The following ZNF8 variants were observed in gnomAD, a reference collection of about 807,000 sequenced individuals.
ZNF8 encodes zinc finger protein 8.
In ZNF8, 9 loss-of-function variants were observed where a neutral mutation model predicts 12.2. The observed-to-expected ratio is 0.73, with a 90% CI of 0.44 to 1.28. The LOEUF (loss-of-function observed/expected upper bound fraction) is 1.28, where lower values mean the gene tolerates loss of function less well. ZNF8 is among the 50% of genes most tolerant of loss of function. The pLI is 0.00. For missense variants in ZNF8, 664 were observed against 729.1 expected (o/e 0.91, Z 1.03); for synonymous variants, 274 against 282.3 (o/e 0.97, Z 0.30).
At chr19:58,279,289 G>T in intron 1 of ZNF8, 142 bp downstream of exon 1, 1 of 1,520,516 alleles carries the variant, frequency 6.6e-7, no homozygotes, top group Admixed American at 2.0e-5. Context: ...CGCGGGTCGG[G>T]GCGTGGTGAC....
intron 3 of ZNF8, among the ~76,000 whole-genome samples, chr19:58,288,257 A>T (rs2051396861): frequency 6.6e-6 from 1 of 152,122 alleles, no homozygotes; most frequent in South Asian, 2.1e-4. Flanking sequence ...ACCAGGTTGG[A>T]GCAGCTCAAA....
intron 1 of ZNF8, among the ~76,000 whole-genome samples, chr19:58,281,353 C>T (rs969533711): frequency 6.6e-6 from 1 of 152,088 alleles, no homozygotes; most frequent in Non-Finnish European, 1.5e-5. Context: ...GAGCACAGCC[C>T]CACCCCTTCA....
chr19:58,279,451 C>T (rs970488481), intron 1 of ZNF8: 16 of 1,452,706 alleles, frequency 1.1e-5, no homozygotes, highest in East Asian at 7.5e-5. Context: ...TGCTCCGCCC[C>T]GCCGACACCC....
intron 3 of ZNF8, among the ~76,000 whole-genome samples, chr19:58,290,667 G>A (rs1486417248): frequency 6.6e-6 from 1 of 152,062 alleles, no homozygotes; most frequent in Admixed American, 6.6e-5. Context: ...GGCTGAGCGG[G>A]GAGGATTGCT....
At chr19:58,285,944 G>A in intron 2 of ZNF8, 101 bp downstream of exon 2, 2 of 1,496,846 alleles carry the variant, frequency 1.3e-6, no homozygotes, top group Non-Finnish European at 1.8e-6. Flanking sequence ...ACTCCCTATG[G>A]GGAGTGCATG....
At position 58,294,045 on chromosome 19, in the gene ZNF8, C is replaced by CCCCCTGT; in HGVS notation, c.290-50_290-49insCTGTCCC. 2.0e-6 allele frequency: 3 copies of CCCCCTGT among 1,515,572 alleles called. No homozygotes were observed. Among genetic ancestry groups the CCCCCTGT allele is most frequent in the Non-Finnish European group, 2.7e-6 (3 of 1,119,484 alleles). 93.9% of individuals were successfully genotyped at this position (1,515,572 alleles called of 1,614,324 possible). ...AGGCCTATGGTGTTGGAGGCCTGTC[C>CCCCCTGT]CCCTTCCGTTTTTTTCTCCCAACAG... is the stretch of plus-strand genomic sequence containing the variant. On this transcript the variant is annotated intron_variant, in intron 3 of 3. Coordinates refer to ENST00000621650, the MANE Select transcript of ZNF8 (RefSeq NM_021089.3). The surrounding 1 kb of genome is among the most constrained non-coding windows in gnomAD (Gnocchi z 5.5).
At position 58,286,279 on chromosome 19, in the gene ZNF8, G is replaced by T. The variant is rs567951078; in HGVS notation, c.289+74G>T. ...CACTGGAGATGCACTTCATGGAAAG[G>T]GTGGTGGTTGGTGGTCCTGAAGACC... On this transcript the variant is annotated intron_variant, in intron 3 of 3. Transcript: ENST00000621650. The T allele has an allele frequency of 2.1e-5, 28 of 1,313,162 alleles. No homozygotes were observed. The African/African-American group carries it at 3.6e-4, about 17-fold the overall frequency. 81.3% of individuals were successfully genotyped at this position (1,313,162 alleles called of 1,614,324 possible).
At chr19:58,281,748 C>G (rs973796238) in intron 1 of ZNF8, among the ~76,000 whole-genome samples, 1 of 152,062 alleles carries the variant, frequency 6.6e-6, no homozygotes, top group African/African-American at 2.4e-5. Flanking sequence ...CACCTGCTAC[C>G]TGTACTAAAA....
chr19:58,286,249 C>A (rs376609855), intron 3 of ZNF8, 44 bp downstream of exon 3: 3 of 1,565,470 alleles, frequency 1.9e-6, no homozygotes, highest in African/African-American at 1.4e-5. Flanking sequence ...AGCAGCCTAG[C>A]AGGTCACTGG....
Position 58,294,305 on chromosome 19 carries a change from C to T in ZNF8, c.497C>T (p.Ala166Val). ...CAGTTGGAATTTGGCCTCAAGGAAG[C>T]ACCAGTTCAAGATCAAGGCTACAAA... ...LKQLEFGLKE[A>V]PVQDQGYKTL... The change falls in exon 4 of 4, where the codon GCA becomes GTA. Residue 166 changes from alanine to valine, a missense_variant. By Grantham distance (64) the Ala-to-Val change is moderately conservative. Coordinates refer to ENST00000621650, the MANE Select transcript of ZNF8 (RefSeq NM_021089.3). This position sits in a 1 kb window ranked among gnomAD's most constrained non-coding sequence, Gnocchi z 5.5. 1 of 1,614,146 alleles carries T rather than the reference C, an allele frequency of 6.2e-7. No individual in the cohort carries two copies. Among genetic ancestry groups the T allele is most frequent in the Non-Finnish European group, 8.5e-7 (1 of 1,180,020 alleles).
At chr19:58,287,994 A>C (rs548217305) in intron 3 of ZNF8, among the ~76,000 whole-genome samples, 66 of 138,980 alleles carry the variant, frequency 4.7e-4, no homozygotes, top group Non-Finnish European at 8.1e-4. Flanking sequence ...GTAAGCCACT[A>C]TGCCTGACTT....
chr19:58,281,036 A>G (rs1268272477), intron 1 of ZNF8, among the ~76,000 whole-genome samples: 1 of 152,130 alleles, frequency 6.6e-6, no homozygotes, highest in African/African-American at 2.4e-5. Flanking sequence ...CTTTTACCAT[A>G]TATAGTAATA....
chr19:58,295,565 C>T lies in ZNF8; in HGVS notation c.*29C>T, dbSNP rs369820169. 2 of 1,538,814 alleles carry T rather than the reference C, an allele frequency of 1.3e-6. No individual in the cohort carries two copies. The highest frequency in any genetic ancestry group is 1.8e-6 in the Non-Finnish European group (2 of 1,136,364). ...AGAAACTTTGCTGATGACTTTTAAC[C>T]ACAAGTAAAAAATGTGGTAAGTCCA... is the stretch of plus-strand genomic sequence containing the variant. On this transcript the variant is annotated 3_prime_UTR_variant, in exon 4 of 4. Transcript: ENST00000621650.
chr19:58,283,756 C>T (rs536480642), intron 1 of ZNF8, among the ~76,000 whole-genome samples: 94 of 151,742 alleles, frequency 6.2e-4, no homozygotes, highest in Non-Finnish European at 9.7e-4. Context: ...CCCACCACCA[C>T]GCTCGGCTAA....
rs539701973 is a variant in ZNF8 at position 58,300,062 on chromosome 19, C to T, written c.*4526C>T. On this transcript the variant is annotated 3_prime_UTR_variant, in exon 4 of 4. Coordinates refer to ENST00000621650, the MANE Select transcript of ZNF8 (RefSeq NM_021089.3). Reference sequence around the variant, plus strand: ...TGTCTCCTTAGATAACCTCCATTCGCATAGCTAAATGCTGCACCCTCCGAC... The same window carrying T: ...TGTCTCCTTAGATAACCTCCATTCGTATAGCTAAATGCTGCACCCTCCGAC... 3 of 152,322 alleles carry T rather than the reference C, an allele frequency of 2.0e-5. No homozygotes were observed. The South Asian group carries it at 6.2e-4, about 32-fold the overall frequency. The allele number at this position is 152,322 out of a possible 1,614,324, so 9.4% of individuals were successfully genotyped here.
rs752042892 is a variant in ZNF8 at position 58,294,721 on chromosome 19, C to T, written c.913C>T (p.Arg305Cys). 2.5e-5 allele frequency: 40 copies of T among 1,613,894 alleles called. No individual in the cohort carries two copies. The highest frequency in any genetic ancestry group is 3.3e-5 in the Admixed American group (2 of 59,986). ...GAACTCCTCCCTCGTCCAGCATGAG[C>T]GCATCCACACTGGAGACAAGCCCTA... ...SQNSSLVQHE[R>C]IHTGDKPYKC... Residue 305 changes from arginine to cysteine, a missense_variant, in exon 4 of 4, where the codon CGC (arginine) becomes TGC (cysteine). This residue lies in a region of ZNF8 where 133 missense variants were observed against 198.4 expected (regional missense o/e 0.67). Transcript: ENST00000621650. The surrounding 1 kb of genome is among the most constrained non-coding windows in gnomAD (Gnocchi z 5.5).
At chr19:58,279,533 A>T in intron 1 of ZNF8, 1 of 1,506,532 alleles carries the variant, frequency 6.6e-7, no homozygotes, top group Non-Finnish European at 8.8e-7. Context: ...GGGTGCCCAG[A>T]TGGCAAGAAT....
intron 3 of ZNF8, among the ~76,000 whole-genome samples, chr19:58,291,465 C>T (rs1217996585): frequency 2.6e-5 from 4 of 152,206 alleles, no homozygotes; most frequent in Non-Finnish European, 5.9e-5. Flanking sequence ...TCCCAGCAGG[C>T]AGCGTTAGTC....
chr19:58,282,858 GCTCAGGCAATCCACTCGT>G (rs1568523059), intron 1 of ZNF8, among the ~76,000 whole-genome samples: 1 of 151,960 alleles, frequency 6.6e-6, no homozygotes, highest in Non-Finnish European at 1.5e-5. Context: ...GAACTCCTGA[GCTCAGGCAATCCACTCGT>G]CTCAGCCTCC....
Sources: allele counts gnomAD v4.1 joint callset (sites outside exome capture counted in the v4.1 genomes callset), GRCh38; gene constraint gnomAD v4.1.1; regional missense constraint gnomAD v4.1.1; non-coding constraint Gnocchi (gnomAD v3.1); transcripts MANE v1.5; gene names NCBI Gene and HGNC (gene_info 2026-07-23, HGNC 2026-07-21).